The following ASCL5 variants were observed in gnomAD, a reference collection of about 807,000 sequenced individuals.
ASCL5 encodes achaete-scute family bHLH transcription factor 5, also known as achaete-scute homolog 5.
For synonymous variants in ASCL5, 124 were observed against 131.5 expected (o/e 0.94, Z 0.39); for missense variants, 262 against 268.9 (o/e 0.97, Z 0.18).
rs938757608 is a variant in ASCL5, at chr1:201,115,616, G to A, written c.-244C>T. 6.0e-6 allele frequency: 2 copies of A among 335,652 alleles called. No homozygotes were observed. The highest frequency in any genetic ancestry group is 4.6e-5 in the East Asian group (1 of 21,932). The allele number at this position is 335,652 out of a possible 1,614,324, so 20.8% of individuals were successfully genotyped here. A position where few individuals can be genotyped will look rare whatever the true frequency, so the allele number is the denominator to read the frequency against. Reference sequence around the variant, plus strand: ...GCACGCCTTCTCAGAGCCAGCCCATGGCGCCGCGGAACTCTGAGGGCCCGC... The same window carrying A: ...GCACGCCTTCTCAGAGCCAGCCCATAGCGCCGCGGAACTCTGAGGGCCCGC... On this transcript the variant is annotated 5_prime_UTR_variant, in exon 2 of 2. Transcript: ENST00000449188.
At chr1:201,116,542 G>A (rs1237726012) in intron 1 of ASCL5, among the ~76,000 whole-genome samples, 5 of 152,150 alleles carry the variant, frequency 3.3e-5, no homozygotes, top group Non-Finnish European at 7.4e-5. Flanking sequence ...AGCCCCTGTT[G>A]AGTATTAGAT....
chr1:201,122,909 T>C (rs1663511648), intron 1 of ASCL5, among the ~76,000 whole-genome samples: 2 of 152,164 alleles, frequency 1.3e-5, no homozygotes, highest in Non-Finnish European at 2.9e-5. Flanking sequence ...AAAGTGAAGG[T>C]AATAATACCT....
Position 201,122,267 on chromosome 1 carries a change from G to A in ASCL5, c.-506+4817C>T, listed in dbSNP as rs16847770. Among the ~76,000 whole-genome samples the A allele has an allele frequency of 8.5e-3, 1,288 of 152,306 alleles. 19 individuals carry two copies. The highest frequency in any genetic ancestry group is 0.029 in the African/African-American group (1,193 of 41,562). ...CAGGTTTGGAAACCTCTGTTGCTCCGCAGCAACCTGGCTGCATCCAGTTTC... is the reference window on the plus strand; with the variant it reads ...CAGGTTTGGAAACCTCTGTTGCTCCACAGCAACCTGGCTGCATCCAGTTTC... On this transcript the variant is annotated intron_variant, in intron 1 of 1. Coordinates refer to ENST00000449188, the MANE Select transcript of ASCL5 (RefSeq NM_001270601.2).
chr1:201,117,933 C>G (rs759001363), intron 1 of ASCL5, among the ~76,000 whole-genome samples: 2 of 152,214 alleles, frequency 1.3e-5, no homozygotes, highest in African/African-American at 4.8e-5. Context: ...AGACTACACT[C>G]TCCCATATGA....
At chr1:201,119,197 G>C (rs555932841) in intron 1 of ASCL5, among the ~76,000 whole-genome samples, 1 of 152,312 alleles carries the variant, frequency 6.6e-6, no homozygotes, top group East Asian at 1.9e-4. Context: ...TGGGAGGGTA[G>C]CACCCCCTTG....
Position 201,114,891 on chromosome 1 carries a change from G to C in ASCL5, c.482C>G (p.Pro161Arg). Residue 161 changes from proline to arginine, a missense_variant, in exon 2 of 2, where the codon CCC becomes CGC. By Grantham distance (103) the Pro-to-Arg change is moderately radical. Transcript: ENST00000449188. ...GGGACGGGGGGTGGCGGGCGGCGCGGGGCAGGGCCCGGTGCCCGGGAGGCC... is the reference window on the plus strand; with the variant it reads ...GGGACGGGGGGTGGCGGGCGGCGCGCGGCAGGGCCCGGTGCCCGGGAGGCC... ...SRGLPGTGPC[P>R]APPATPRPDR... 8.1e-7 allele frequency: 1 copy of C among 1,229,416 alleles called. No homozygotes were observed. The highest frequency in any genetic ancestry group is 4.1e-5 in the South Asian group (1 of 24,312). 76.2% of individuals were successfully genotyped at this position (1,229,416 alleles called of 1,614,324 possible).
chr1:201,122,266 C>T (rs1001556792), intron 1 of ASCL5, among the ~76,000 whole-genome samples: 9 of 152,178 alleles, frequency 5.9e-5, no homozygotes, highest in Non-Finnish European at 5.9e-5. Context: ...TCTGTTGCTC[C>T]GCAGCAACCT....
rs1185017267 is a variant in ASCL5 at position 201,114,236 on chromosome 1, C to T, written c.*516G>A. ...CGCCAGCAGCAATCTGGCCTCCCATCCCTTCCTCTGGGTTCCTTTCTCGAG... is the reference window on the plus strand; with the variant it reads ...CGCCAGCAGCAATCTGGCCTCCCATTCCTTCCTCTGGGTTCCTTTCTCGAG... On this transcript the variant is annotated 3_prime_UTR_variant, in exon 2 of 2. Transcript: ENST00000449188. 1 of 152,310 alleles carries T rather than the reference C, an allele frequency of 6.6e-6. No individual in the cohort carries two copies. The highest frequency in any genetic ancestry group is 1.9e-4 in the East Asian group (1 of 5,184). 9.4% of individuals were successfully genotyped at this position (152,310 alleles called of 1,614,324 possible). A position where few individuals can be genotyped will look rare whatever the true frequency, so the allele number is the denominator to read the frequency against.
At chr1:201,119,443 A>G (rs1477444470) in intron 1 of ASCL5, among the ~76,000 whole-genome samples, 1 of 152,186 alleles carries the variant, frequency 6.6e-6, no homozygotes, top group African/African-American at 2.4e-5. Context: ...AGTGGCGGCA[A>G]CAGATTGATG....
Position 201,114,783 on chromosome 1 carries a change from G to A in ASCL5, c.590C>T (p.Pro197Leu), listed in dbSNP as rs969621105. ...SSESSCFSPS[P>L]FLESEESWH ...CCAGGATTCCTCCGACTCCAAGAAA[G>A]GCGACGGGGAGAAGCAGGAGGACTC... The change falls in exon 2 of 2, where the codon CCT becomes CTT. Residue 197 changes from proline to leucine, a missense_variant. Pro to Leu is a moderately conservative substitution (Grantham distance 98, BLOSUM62 -3). Coordinates refer to ENST00000449188, the MANE Select transcript of ASCL5 (RefSeq NM_001270601.2). 1 of 1,231,266 alleles carries A rather than the reference G, an allele frequency of 8.1e-7. No homozygotes were observed. 76.3% of individuals were successfully genotyped at this position (1,231,266 alleles called of 1,614,324 possible).
intron 1 of ASCL5, among the ~76,000 whole-genome samples, chr1:201,124,569 TA>T (rs1663544880): frequency 6.6e-6 from 1 of 152,150 alleles, no homozygotes; most frequent in African/African-American, 2.4e-5. Context: ...AAAAAGCCCT[TA>T]GGGGCCACAG....
rs1305093773 is a variant in ASCL5 at position 201,114,572 on chromosome 1, C to T, written c.*180G>A. 1 of 488,654 alleles carries T rather than the reference C, an allele frequency of 2.0e-6. No individual in the cohort carries two copies. Among genetic ancestry groups the T allele is most frequent in the Non-Finnish European group, 3.2e-6 (1 of 313,128 alleles). The allele number at this position is 488,654 out of a possible 1,614,324, so 30.3% of individuals were successfully genotyped here. On this transcript the variant is annotated 3_prime_UTR_variant, in exon 2 of 2. Transcript: ENST00000449188. ...TATCGTGCCCATCGTACCCGCTGCC[C>T]TGCACTTCCGCCCCAAGCTGGTGGA...
At chr1:201,123,246 T>C (rs757226828) in intron 1 of ASCL5, among the ~76,000 whole-genome samples, 19 of 152,208 alleles carry the variant, frequency 1.2e-4, no homozygotes, top group Non-Finnish European at 1.6e-4. Context: ...ATAATTCTAA[T>C]AAATTGAATT....
At chr1:201,124,412 C>T (rs952748363) in intron 1 of ASCL5, among the ~76,000 whole-genome samples, 1 of 152,204 alleles carries the variant, frequency 6.6e-6, no homozygotes, top group Non-Finnish European at 1.5e-5. Flanking sequence ...GGCCCTACTG[C>T]CCTAGGCTCC....
Position 201,115,030 on chromosome 1 carries a change from C to A in ASCL5, c.343G>T (p.Ala115Ser), listed in dbSNP as rs1246936800. The change falls in exon 2 of 2, where the codon GCT (alanine) becomes TCT (serine). Residue 115 changes from alanine (A) to serine (S), a missense_variant. Physicochemically the swap from Ala to Ser is moderately conservative, Grantham distance 99 (BLOSUM62 1). Coordinates refer to ENST00000449188, the MANE Select transcript of ASCL5 (RefSeq NM_001270601.2). ...RLRGHLPGAL[A>S]EKRLSKVETL... ...TCCACCTTGCTGAGTCGCTTCTCAG[C>A]CAGGGCGCCGGGGAGGTGGCCGCGG... 4.9e-6 allele frequency: 6 copies of A among 1,231,880 alleles called. No homozygotes were observed. The highest frequency in any genetic ancestry group is 4.2e-5 in the Admixed American group (1 of 23,704). 76.3% of individuals were successfully genotyped at this position (1,231,880 alleles called of 1,614,324 possible).
rs1405025785 is a variant in ASCL5 at position 201,115,374 on chromosome 1, G to A, written c.-2C>T. 14 of 1,231,392 alleles carry A rather than the reference G, an allele frequency of 1.1e-5. No homozygotes were observed. The Admixed American group carries it at 1.7e-4, about 15-fold the overall frequency. The allele number at this position is 1,231,392 out of a possible 1,614,324, so 76.3% of individuals were successfully genotyped here. On this transcript the variant is annotated 5_prime_UTR_variant, in exon 2 of 2. Transcript: ENST00000449188. ...AGCCCGGCAGAAGTTATTGTTCATG[G>A]TGCCGCGTGGAGCTGGACCCAGAGC...
chr1:201,124,381 C>T (rs1420855274), intron 1 of ASCL5, among the ~76,000 whole-genome samples: 5 of 152,208 alleles, frequency 3.3e-5, no homozygotes, highest in Non-Finnish European at 7.3e-5. Context: ...ACACACCCAT[C>T]GTCATTGTTG....
intron 1 of ASCL5, among the ~76,000 whole-genome samples, chr1:201,121,294 A>G (rs549305134): frequency 6.6e-6 from 1 of 152,326 alleles, no homozygotes; most frequent in African/African-American, 2.4e-5. Context: ...TTAAATCTTC[A>G]GGGTAAATGT....
At chr1:201,126,874 C>T (rs1018369001) in intron 1 of ASCL5, among the ~76,000 whole-genome samples, 1 of 152,234 alleles carries the variant, frequency 6.6e-6, no homozygotes, top group African/African-American at 2.4e-5. Context: ...CAGCTGATCT[C>T]GCCTTCTCCC....
Sources: allele counts gnomAD v4.1 joint callset (sites outside exome capture counted in the v4.1 genomes callset), GRCh38; gene constraint gnomAD v4.1.1; transcripts MANE v1.5; gene names NCBI Gene and HGNC (gene_info 2026-07-23, HGNC 2026-07-21).